SLC24A2: variants seen among roughly 807,000 people sequenced by gnomAD.
The protein encoded by SLC24A2 is sodium/potassium/calcium exchanger 2.
SLC24A2 carries 36 observed loss-of-function variants against 62.0 expected under a neutral mutation model. The ratio of observed to expected loss-of-function variants is 0.58; its 90% CI spans 0.44 to 0.77. The LOEUF is 0.77. Among genes scored for constraint, SLC24A2 ranks in the 30% least tolerant of loss-of-function variants. SLC24A2 has a pLI of 0.00. For missense variants in SLC24A2, 846 were observed against 817.9 expected, an observed-to-expected ratio of 1.03 and a Z score of -0.42; for synonymous variants, 358 against 294.0, an observed-to-expected ratio of 1.22 and a Z score of -2.23.
At chr9:19,987,277 T>TG in the SLC24A2 span, among the ~76,000 whole-genome samples, 1 of 152,058 alleles carries the variant, frequency 6.6e-6, no homozygotes, top group Non-Finnish European at 1.5e-5. Context: ...TGGAATATAA[T>TG]GGGAGAGAAG....
the SLC24A2 span, among the ~76,000 whole-genome samples, chr9:20,007,750 T>A: frequency 1.3e-5 from 2 of 152,114 alleles, no homozygotes; most frequent in African/African-American, 4.8e-5. Flanking sequence ...TCAGCACAGT[T>A]TTAAAGTCTA....
chr9:19,528,601 T>C (rs543584521), intron 8 of SLC24A2, among the ~76,000 whole-genome samples: 74 of 152,286 alleles, frequency 4.9e-4, no homozygotes, highest in African/African-American at 1.7e-3. Context: ...ATTAATTCCA[T>C]TGAATAAGAA....
chr9:19,872,915 G>C, the SLC24A2 span, among the ~76,000 whole-genome samples: 2 of 152,170 alleles, frequency 1.3e-5, no homozygotes, highest in Admixed American at 6.5e-5. Flanking sequence ...TAGTGCTGGA[G>C]ATTAGCTCCT....
At chr9:19,982,917 A>C in the SLC24A2 span, among the ~76,000 whole-genome samples, 1 of 152,196 alleles carries the variant, frequency 6.6e-6, no homozygotes, top group Non-Finnish European at 1.5e-5. Context: ...GAATAAGAGA[A>C]TAAAACTTCA....
the SLC24A2 span, among the ~76,000 whole-genome samples, chr9:20,178,235 A>G: frequency 6.6e-6 from 1 of 152,154 alleles, no homozygotes; most frequent in African/African-American, 2.4e-5. Flanking sequence ...AATTTCAGCA[A>G]GAGAAAATGT....
intron 8 of SLC24A2, among the ~76,000 whole-genome samples, chr9:19,537,058 T>C (rs1343251972): frequency 6.6e-6 from 1 of 150,814 alleles, no homozygotes; most frequent in Non-Finnish European, 1.5e-5. Flanking sequence ...TGTTTGTTTT[T>C]TTCTTGTAAA....
At chr9:19,870,945 C>T in the SLC24A2 span, among the ~76,000 whole-genome samples, 1 of 151,920 alleles carries the variant, frequency 6.6e-6, no homozygotes, top group Non-Finnish European at 1.5e-5. Flanking sequence ...ATATTTTTTC[C>T]CATCCTCTGG....
chr9:19,531,494 T>C (rs549439187), intron 8 of SLC24A2, among the ~76,000 whole-genome samples: 1 of 152,342 alleles, frequency 6.6e-6, no homozygotes, highest in Non-Finnish European at 1.5e-5. Context: ...GCCCATGTTG[T>C]GGTTTACTTA....
chr9:19,904,075 G>A, the SLC24A2 span, among the ~76,000 whole-genome samples: 5 of 152,118 alleles, frequency 3.3e-5, no homozygotes, highest in African/African-American at 9.7e-5. Context: ...TAAACAGCTC[G>A]GACATGTAGC....
chr9:19,832,555 T>A, the SLC24A2 span, among the ~76,000 whole-genome samples: 1 of 152,308 alleles, frequency 6.6e-6, no homozygotes, highest in East Asian at 1.9e-4. Flanking sequence ...AAGCTGAAAC[T>A]GGATCCCTTC....
At chr9:19,578,632 AC>A (rs1836107749) in intron 5 of SLC24A2, among the ~76,000 whole-genome samples, 1 of 152,014 alleles carries the variant, frequency 6.6e-6, no homozygotes, top group Non-Finnish European at 1.5e-5. Flanking sequence ...TTAGAACCAA[AC>A]CAAACAAATA....
intron 8 of SLC24A2, among the ~76,000 whole-genome samples, chr9:19,541,406 G>A (rs147269013): frequency 0.011 from 1,615 of 151,832 alleles, 32 homozygotes; most frequent in African/African-American, 0.037. Flanking sequence ...CTTTCTGGTC[G>A]TTAGTTTTCC....
At chr9:19,768,554 T>C (rs1822587428) in intron 2 of SLC24A2, among the ~76,000 whole-genome samples, 1 of 152,182 alleles carries the variant, frequency 6.6e-6, no homozygotes, top group African/African-American at 2.4e-5. Flanking sequence ...CTGAGATGGC[T>C]ACTAAGTGAC....
the SLC24A2 span, among the ~76,000 whole-genome samples, chr9:20,190,227 A>C: frequency 4.6e-5 from 7 of 152,144 alleles, no homozygotes; most frequent in South Asian, 4.1e-4. Flanking sequence ...TAACTCATTG[A>C]CTATGCTTGG....
chr9:19,618,722 G>A (rs73428337), intron 4 of SLC24A2, among the ~76,000 whole-genome samples: 4 of 152,262 alleles, frequency 2.6e-5, no homozygotes, highest in African/African-American at 9.6e-5. Flanking sequence ...TTCATTCAGT[G>A]GCACGTATCT....
chr9:20,205,113 G>C, the SLC24A2 span, among the ~76,000 whole-genome samples: 1 of 152,138 alleles, frequency 6.6e-6, no homozygotes, highest in Non-Finnish European at 1.5e-5. Flanking sequence ...TGAAAAGTCA[G>C]TAAAAGAATT....
chr9:20,144,791 C>A, the SLC24A2 span, among the ~76,000 whole-genome samples: 1 of 152,012 alleles, frequency 6.6e-6, no homozygotes, highest in South Asian at 2.1e-4. Flanking sequence ...GTGCTATATT[C>A]TGCATTCATT....
the SLC24A2 span, among the ~76,000 whole-genome samples, chr9:20,294,455 G>A: frequency 6.6e-6 from 1 of 152,206 alleles, no homozygotes; most frequent in African/African-American, 2.4e-5. Context: ...GGGCAGAGCT[G>A]CTGCTGCATT....
At chr9:19,948,838 C>T in the SLC24A2 span, among the ~76,000 whole-genome samples, 1 of 94,684 alleles carries the variant, frequency 1.1e-5, no homozygotes, top group Non-Finnish European at 2.3e-5. Context: ...GAACGAGACT[C>T]CGTCTCAAAA....
Sources: allele counts gnomAD v4.1 joint callset (sites outside exome capture counted in the v4.1 genomes callset), GRCh38; gene constraint gnomAD v4.1.1; transcripts MANE v1.5; gene names NCBI Gene and HGNC (gene_info 2026-07-23, HGNC 2026-07-21).